Variants in PLXDC2 observed in about 807,000 individuals in gnomAD.
The protein encoded by PLXDC2 is plexin domain-containing protein 2.
A neutral mutation model predicts 68.9 loss-of-function variants in PLXDC2; 40 were observed. That is an observed-to-expected ratio of 0.58 (90% CI 0.45 to 0.76). The LOEUF is 0.76. Among genes scored for constraint, PLXDC2 ranks in the 30% least tolerant of loss-of-function variants. The probability of loss-of-function intolerance (pLI) is 0.00; values close to 1 mark genes in which losing one functional copy is unlikely to be tolerated. For synonymous variants in PLXDC2, 243 were observed against 234.2 expected, an observed-to-expected ratio of 1.04 and a Z score of -0.34; for missense variants, 644 against 661.9, an observed-to-expected ratio of 0.97 and a Z score of 0.30.
intron 9 of PLXDC2, among the ~76,000 whole-genome samples, chr10:20,183,867 G>A (rs1481721110): frequency 1.3e-5 from 2 of 151,950 alleles, no homozygotes; most frequent in Non-Finnish European, 2.9e-5. Context: ...TATTCGCAGT[G>A]AGGCATGTTG....
chr10:20,202,704 C>T (rs1391683213), intron 9 of PLXDC2, among the ~76,000 whole-genome samples: 4 of 152,108 alleles, frequency 2.6e-5, no homozygotes, highest in African/African-American at 9.7e-5. Flanking sequence ...TCTTTAGAGT[C>T]GAACACTGTA....
At chr10:20,028,682 GA>G (rs947063568) in intron 2 of PLXDC2, among the ~76,000 whole-genome samples, 1 of 152,070 alleles carries the variant, frequency 6.6e-6, no homozygotes, top group Non-Finnish European at 1.5e-5. Context: ...AAGTCTTTTA[GA>G]TTTTTTACAG....
chr10:20,050,104 A>G (rs1441684019), intron 3 of PLXDC2, among the ~76,000 whole-genome samples: 1 of 152,128 alleles, frequency 6.6e-6, no homozygotes, highest in African/African-American at 2.4e-5. Context: ...AAAACAAGCA[A>G]TGGAGAAAAG....
intron 1 of PLXDC2, among the ~76,000 whole-genome samples, chr10:19,823,736 C>T (rs950938602): frequency 6.6e-6 from 1 of 152,110 alleles, no homozygotes; most frequent in Admixed American, 6.5e-5. Context: ...CCTGTAATCC[C>T]AACACTTTGG....
intron 4 of PLXDC2, among the ~76,000 whole-genome samples, chr10:20,072,151 C>A (rs1464494013): frequency 5.9e-5 from 9 of 151,398 alleles, no homozygotes; most frequent in Admixed American, 5.9e-4. Context: ...GTTTGGATCG[C>A]CTGAGGTCCA....
intron 7 of PLXDC2, among the ~76,000 whole-genome samples, chr10:20,169,023 G>A (rs948537661): frequency 2.6e-5 from 4 of 152,028 alleles, no homozygotes; most frequent in South Asian, 2.1e-4. Context: ...TTAAATATCT[G>A]TCTAAAATGT....
chr10:19,963,836 T>TAA (rs61485230), intron 1 of PLXDC2, among the ~76,000 whole-genome samples: 7,896 of 145,584 alleles, frequency 0.054, 263 homozygotes, highest in Middle Eastern at 0.097. Flanking sequence ...TGAAGTATAA[T>TAA]AAAAAAAAAA....
At chr10:20,204,510 T>C (rs1318481576) in intron 9 of PLXDC2, among the ~76,000 whole-genome samples, 2 of 152,168 alleles carry the variant, frequency 1.3e-5, no homozygotes, top group African/African-American at 2.4e-5. Context: ...AATGCACAGT[T>C]GATGTTTCCA....
rs182559278 is a variant in PLXDC2, at chr10:19,875,801, G to A, written c.112+58610G>A. On this transcript the variant is annotated intron_variant, in intron 1 of 13. Coordinates refer to ENST00000377252, the MANE Select transcript of PLXDC2 (RefSeq NM_032812.9). ...TTCCTTTCAAAATAAAATAAAATAC[G>A]AGCATTTGAGAATCAGAGAGATGAG... Among the ~76,000 whole-genome samples, 147 of 152,148 alleles carry A rather than the reference G, an allele frequency of 9.7e-4. 1 individual carries two copies. The highest frequency in any genetic ancestry group is 3.3e-3 in the African/African-American group (139 of 41,526).
intron 4 of PLXDC2, among the ~76,000 whole-genome samples, chr10:20,131,421 CAG>C (rs1334462496): frequency 6.6e-6 from 1 of 151,792 alleles, no homozygotes; most frequent in Non-Finnish European, 1.5e-5. Flanking sequence ...TTTTTTGAGA[CAG>C]AGTTTCACTC....
intron 1 of PLXDC2, among the ~76,000 whole-genome samples, chr10:19,927,576 G>T (rs1185582789): frequency 4.0e-5 from 6 of 151,510 alleles, no homozygotes; most frequent in Non-Finnish European, 8.8e-5. Context: ...GTGGCGCATG[G>T]CTATAGTCCC....
intron 4 of PLXDC2, among the ~76,000 whole-genome samples, chr10:20,074,885 G>A (rs1398029249): frequency 1.4e-5 from 2 of 145,100 alleles, no homozygotes; most frequent in Non-Finnish European, 3.0e-5. Context: ...ATTATTAACA[G>A]AGATCACAGG....
intron 12 of PLXDC2, among the ~76,000 whole-genome samples, chr10:20,236,432 G>A (rs537432280): frequency 2.6e-4 from 40 of 152,166 alleles, no homozygotes; most frequent in Non-Finnish European, 5.0e-4. Flanking sequence ...GCCACAGAGC[G>A]AGACTCCGTC....
At chr10:20,238,336 C>T (rs948694786) in intron 12 of PLXDC2, among the ~76,000 whole-genome samples, 11 of 151,160 alleles carry the variant, frequency 7.3e-5, no homozygotes, top group Non-Finnish European at 1.5e-4. Flanking sequence ...CTAGTATATA[C>T]TTAATGTATT....
intron 7 of PLXDC2, among the ~76,000 whole-genome samples, chr10:20,176,720 A>C (rs923095262): frequency 6.6e-6 from 1 of 152,088 alleles, no homozygotes; most frequent in African/African-American, 2.4e-5. Flanking sequence ...TATCCAAAAA[A>C]ATCTTTAGTA....
chr10:20,164,552 A>T lies in PLXDC2; in HGVS notation c.868A>T (p.Ile290Phe). 2 of 1,612,012 alleles carry T rather than the reference A, an allele frequency of 1.2e-6. No individual in the cohort carries two copies. The highest frequency in any genetic ancestry group is 1.7e-6 in the Non-Finnish European group (2 of 1,178,320). ...LSDAFVVVHRIQQIPNVRRRT... is the reference protein window; with the variant it reads ...LSDAFVVVHRFQQIPNVRRRT... Reference sequence around the variant, plus strand: ...CGATGCATTTGTCGTTGTCCACAGGATCCAACAAATTCCCAGTACGTAGAA... The same window carrying T: ...CGATGCATTTGTCGTTGTCCACAGGTTCCAACAAATTCCCAGTACGTAGAA... The change falls in exon 7 of 14, where the codon ATC becomes TTC. Residue 290 changes from isoleucine to phenylalanine, a missense_variant. This residue lies in a region of PLXDC2 where 330 missense variants were observed against 327.9 expected (regional missense o/e 1.01). Transcript: ENST00000377252.
chr10:19,845,112 C>T (rs1302331025), intron 1 of PLXDC2, among the ~76,000 whole-genome samples: 1 of 152,128 alleles, frequency 6.6e-6, no homozygotes, highest in Admixed American at 6.6e-5. Flanking sequence ...TTGCCCACCC[C>T]CAACCTGTGG....
intron 13 of PLXDC2, among the ~76,000 whole-genome samples, chr10:20,273,269 A>T (rs770941866): frequency 6.6e-6 from 1 of 151,950 alleles, no homozygotes; most frequent in Non-Finnish European, 1.5e-5. Context: ...TTTTATTTTT[A>T]ATGATTTTTA....
chr10:19,942,508 A>C (rs2131398973), intron 1 of PLXDC2, among the ~76,000 whole-genome samples: 1 of 152,272 alleles, frequency 6.6e-6, no homozygotes, highest in East Asian at 1.9e-4. Flanking sequence ...CATTCCTATA[A>C]TCCCAGCACT....
Sources: gnomAD v4.1 joint callset for allele counts (sites outside exome capture counted in the v4.1 genomes callset) on GRCh38, gnomAD v4.1.1 for gene constraint, gnomAD v4.1.1 regional missense constraint, MANE v1.5 for transcripts, NCBI Gene and HGNC (gene_info 2026-07-23, HGNC 2026-07-21) for gene names.